The following RREB1 variants were observed in gnomAD, a reference collection of about 807,000 sequenced individuals.
RREB1 encodes the protein ras responsive element binding protein 1, also known as ras-responsive element-binding protein 1.
RREB1 carries 27 observed loss-of-function variants against 117.8 expected under a neutral mutation model. The ratio of observed to expected loss-of-function variants is 0.23; its 90% CI spans 0.17 to 0.32. RREB1 has a LOEUF of 0.32. RREB1 is among the 10% of genes least tolerant of loss of function. The pLI, the probability that RREB1 is intolerant of heterozygous loss-of-function variation, is 1.00. For synonymous variants in RREB1, 1,298 were observed against 1,026.7 expected, an observed-to-expected ratio of 1.26 and a Z score of -5.05; for missense variants, 2,577 against 2,378.2, an observed-to-expected ratio of 1.08 and a Z score of -1.74.
intron 1 of RREB1, among the ~76,000 whole-genome samples, chr6:7,156,509 C>T (rs570503502): frequency 6.6e-6 from 1 of 152,334 alleles, no homozygotes; most frequent in East Asian, 1.9e-4. Flanking sequence ...CTCTCCCAGC[C>T]ACCTTCCGCA....
chr6:7,182,438 C>T (rs911160028), intron 4 of RREB1, among the ~76,000 whole-genome samples: 8 of 152,160 alleles, frequency 5.3e-5, no homozygotes, highest in African/African-American at 1.9e-4. Context: ...TAAGTATCTT[C>T]AGATTAGGTA....
Position 7,249,093 on chromosome 6 carries a change from G to GACAGACAGACAGACAGAC in RREB1, c.*126_*127insCAGACAGACAGACAGACA, listed in dbSNP as rs1384526740. On this transcript the variant is annotated 3_prime_UTR_variant, in exon 13 of 13. Transcript: ENST00000379938. Reference sequence around the variant, plus strand: ...AGAGAGAGAGAGAGAGAGAGAGAGAGAGAGAGAGAGACAAGCAGGAGCGTG... The same window carrying GACAGACAGACAGACAGAC: ...AGAGAGAGAGAGAGAGAGAGAGAGAGACAGACAGACAGACAGACAGAGAGAGAGACAAGCAGGAGCGTG... 24 of 758,596 alleles carry GACAGACAGACAGACAGAC rather than the reference G, an allele frequency of 3.2e-5. No individual in the cohort carries two copies. In the African/African-American group the frequency reaches 4.4e-4, roughly 14 times the overall value. 47.0% of individuals were successfully genotyped at this position (758,596 alleles called of 1,614,324 possible). A position where few individuals can be genotyped will look rare whatever the true frequency, so the allele number is the denominator to read the frequency against.
At chr6:7,148,022 T>C (rs897604247) in intron 1 of RREB1, among the ~76,000 whole-genome samples, 9 of 152,184 alleles carry the variant, frequency 5.9e-5, no homozygotes, top group African/African-American at 1.9e-4. Flanking sequence ...ATATTGCTTA[T>C]GTAGAGGTCG....
chr6:7,133,106 C>G (rs2113359771), intron 1 of RREB1, among the ~76,000 whole-genome samples: 1 of 152,256 alleles, frequency 6.6e-6, no homozygotes, highest in East Asian at 1.9e-4. Flanking sequence ...TGTTTACAAT[C>G]GTAGAGCATT....
intron 10 of RREB1, among the ~76,000 whole-genome samples, chr6:7,233,449 AATAG>A (rs1307936944): frequency 5.3e-5 from 8 of 152,352 alleles, no homozygotes; most frequent in Admixed American, 2.0e-4. Flanking sequence ...AATATTAATA[AATAG>A]ATAGGGCCTA....
At chr6:7,140,502 T>G (rs1039020475) in intron 1 of RREB1, 2 of 152,214 alleles carry the variant, frequency 1.3e-5, no homozygotes, top group African/African-American at 4.8e-5. Context: ...TAAACGTGTT[T>G]TGGATATCAT....
chr6:7,195,207 T>C (rs1408344577), intron 6 of RREB1, among the ~76,000 whole-genome samples: 1 of 152,234 alleles, frequency 6.6e-6, no homozygotes, highest in Non-Finnish European at 1.5e-5. Flanking sequence ...TAAGTAATAA[T>C]ATATTTGAAA....
At chr6:7,224,650 A>G (rs544000371) in intron 8 of RREB1, among the ~76,000 whole-genome samples, 13 of 152,302 alleles carry the variant, frequency 8.5e-5, no homozygotes, top group Admixed American at 4.6e-4. Context: ...AACCTCACCC[A>G]GAGGGGCTGT....
rs544783398 is a variant in RREB1 at position 7,211,453 on chromosome 6, T to C, written c.571-120T>C. 4.4e-5 allele frequency: 38 copies of C among 862,164 alleles called. No homozygotes were observed. In the East Asian group the frequency reaches 8.5e-4, roughly 19 times the overall value. The allele number at this position is 862,164 out of a possible 1,614,324, so 53.4% of individuals were successfully genotyped here. A position where few individuals can be genotyped will look rare whatever the true frequency, so the allele number is the denominator to read the frequency against. On this transcript the variant is annotated intron_variant, in intron 7 of 12. Coordinates refer to ENST00000379938, the MANE Select transcript of RREB1 (RefSeq NM_001003699.4). ...ATGGTCAGGTCCTTAATAATCAGGATTGGATAATGCAACCCTTGCCTTTTA... is the reference window on the plus strand; with the variant it reads ...ATGGTCAGGTCCTTAATAATCAGGACTGGATAATGCAACCCTTGCCTTTTA...
chr6:7,181,336 A>T, intron 3 of RREB1, 90 bp downstream of exon 3: 1 of 400,300 alleles, frequency 2.5e-6, no homozygotes, highest in Non-Finnish European at 4.4e-6. Context: ...AGGCTTTGAT[A>T]TGTCAATTTG....
intron 6 of RREB1, among the ~76,000 whole-genome samples, chr6:7,200,895 G>C (rs1765937085): frequency 6.6e-6 from 1 of 152,180 alleles, no homozygotes; most frequent in Non-Finnish European, 1.5e-5. Flanking sequence ...GTTTTGGAAA[G>C]GAAATGCAAA....
At chr6:7,119,949 G>A (rs1012920976) in intron 1 of RREB1, among the ~76,000 whole-genome samples, 9 of 151,978 alleles carry the variant, frequency 5.9e-5, no homozygotes, top group East Asian at 5.8e-4. Flanking sequence ...AGGAAGGGTC[G>A]TGGAAGGGAG....
intron 11 of RREB1, among the ~76,000 whole-genome samples, chr6:7,242,789 CAT>C (rs1054698359): frequency 1.5e-4 from 23 of 151,554 alleles, no homozygotes; most frequent in Non-Finnish European, 2.6e-4. Context: ...AATTCCTACA[CAT>C]GTTTTATAAT....
intron 1 of RREB1, among the ~76,000 whole-genome samples, chr6:7,146,021 C>T (rs1481319152): frequency 1.3e-5 from 2 of 151,948 alleles, no homozygotes; most frequent in Admixed American, 6.6e-5. Context: ...CTCCGTATCC[C>T]TCTCCTTCCT....
At chr6:7,188,221 C>CCA (rs1765190242) in intron 5 of RREB1, among the ~76,000 whole-genome samples, 1 of 96,672 alleles carries the variant, frequency 1.0e-5, no homozygotes, top group Non-Finnish European at 2.2e-5. Flanking sequence ...TCGCTCCCCC[C>CCA]CACACGTGTG....
At chr6:7,194,267 T>C (rs1489867355) in intron 6 of RREB1, among the ~76,000 whole-genome samples, 1 of 152,192 alleles carries the variant, frequency 6.6e-6, no homozygotes, top group Non-Finnish European at 1.5e-5. Context: ...AAGCAGGCAT[T>C]GGCCGGGTAC....
chr6:7,194,791 A>G (rs1052061277), intron 6 of RREB1, among the ~76,000 whole-genome samples: 29 of 152,332 alleles, frequency 1.9e-4, no homozygotes, highest in Non-Finnish European at 1.0e-4. Flanking sequence ...ACAGTGTACT[A>G]TGGACATGCC....
rs1554128695 is a variant in RREB1 at position 7,242,649 on chromosome 6, C to CCG, written c.3973+2048_3973+2049insGC. Reference sequence around the variant, plus strand: ...GAAGCCTTCATTCTGGGTTCCCCCCCCCCAGTGAAGTTTAAAAAGTGAGGC... The same window carrying CCG: ...GAAGCCTTCATTCTGGGTTCCCCCCCCGCCCAGTGAAGTTTAAAAAGTGAGGC... On this transcript the variant is annotated intron_variant, in intron 11 of 12. Transcript: ENST00000379938. Among the ~76,000 whole-genome samples the CCG allele has an allele frequency of 5.3e-5, 8 of 151,062 alleles. No individual in the cohort carries two copies. The South Asian group carries it at 6.5e-4, about 12-fold the overall frequency.
intron 1 of RREB1, among the ~76,000 whole-genome samples, chr6:7,120,803 C>T (rs922017020): frequency 2.0e-5 from 3 of 149,302 alleles, no homozygotes; most frequent in African/African-American, 5.0e-5. Context: ...TGCGCCACCA[C>T]GCTTGGCTAA....
Sources: gnomAD v4.1 joint callset for allele counts (sites outside exome capture counted in the v4.1 genomes callset) on GRCh38, gnomAD v4.1.1 for gene constraint, MANE v1.5 for transcripts, NCBI Gene and HGNC (gene_info 2026-07-23, HGNC 2026-07-21) for gene names.